The following ERCC4 variants were observed in gnomAD, a reference collection of about 807,000 sequenced individuals.
ERCC4 encodes the protein ERCC excision repair 4, endonuclease catalytic subunit.
In ERCC4, 65 loss-of-function variants were observed where a neutral mutation model predicts 76.9. The observed-to-expected ratio is 0.84, with a 90% CI of 0.69 to 1.04. The LOEUF (loss-of-function observed/expected upper bound fraction) is 1.04, where lower values mean the gene tolerates loss of function less well. Ranked by LOEUF, ERCC4 falls within the 50% of genes least tolerant of loss-of-function variation. The pLI is 0.00. For missense variants in ERCC4, 1,214 were observed against 1,128.2 expected (o/e 1.08, Z -1.09); for synonymous variants, 463 against 410.1 (o/e 1.13, Z -1.56).
chr16:13,932,337 A>T, intron 6 of ERCC4, 52 bp downstream of exon 6: 2 of 1,555,004 alleles, frequency 1.3e-6, no homozygotes, highest in Non-Finnish European at 1.8e-6. Context: ...GGTATTTGGT[A>T]TGGAAATTTA....
intron 8 of ERCC4, among the ~76,000 whole-genome samples, chr16:13,937,402 T>C (rs1264864857): frequency 3.3e-5 from 5 of 152,156 alleles, no homozygotes. Flanking sequence ...TTTTAAATGA[T>C]TGTTTGGCTG....
In ERCC4 at chr16:13,930,739, G is replaced by A. The variant is rs769764837; in HGVS notation, c.822G>A (p.Trp274Ter). The change falls in exon 5 of 11, where the codon TGG (tryptophan) becomes TGA (stop). Residue 274 changes from tryptophan (W) to a stop codon, truncating the protein, a stop_gained. Coordinates refer to ENST00000311895, the MANE Select transcript of ERCC4 (RefSeq NM_005236.3). LOFTEE classifies it high-confidence loss of function. Reference sequence around the variant, plus strand: ...TCCGCCATTATCTGGATCCTTTGTGGCACCAGCTTGGAGCCAAGACTAAAT... The same window carrying A: ...TCCGCCATTATCTGGATCCTTTGTGACACCAGCTTGGAGCCAAGACTAAAT... ...KTIRHYLDPL[W>*]HQLGAKTKSL... 2.5e-6 allele frequency: 4 copies of A among 1,613,846 alleles called. No homozygotes were observed. The South Asian group carries it at 4.4e-5, about 18-fold the overall frequency.
At chr16:13,924,512 G>A (rs1020294556) in intron 2 of ERCC4, among the ~76,000 whole-genome samples, 2 of 152,140 alleles carry the variant, frequency 1.3e-5, no homozygotes, top group Admixed American at 1.3e-4. Context: ...AACTCACTAA[G>A]GGTCCCTTGT....
In ERCC4 at chr16:13,926,621, G is replaced by T. The variant is rs377014538; in HGVS notation, c.449G>T (p.Arg150Leu). 1 of 1,614,072 alleles carries T rather than the reference G, an allele frequency of 6.2e-7. No homozygotes were observed. Among genetic ancestry groups the T allele is most frequent in the Non-Finnish European group, 8.5e-7 (1 of 1,179,994 alleles). Residue 150 changes from arginine (R) to leucine (L), a missense_variant, in exon 3 of 11, where the codon CGC (arginine) becomes CTC (leucine). Arg to Leu is a moderately radical substitution (Grantham distance 102, BLOSUM62 -2). Coordinates refer to ENST00000311895, the MANE Select transcript of ERCC4 (RefSeq NM_005236.3). ...TCTTGTCAAGAAGCATTCATCTTGC[G>T]CCTCTTTCGCCAGAAAAACAAACGT... Reference protein sequence around the residue: ...IESCQEAFILRLFRQKNKRGF... With the variant: ...IESCQEAFILLLFRQKNKRGF...
chr16:13,926,519 A>C, intron 2 of ERCC4, 42 bp from the exon 3 acceptor site: 203 of 1,533,302 alleles, frequency 1.3e-4, no homozygotes, highest in Middle Eastern at 1.7e-4. Context: ...AATGGCAATT[A>C]CCTACCTGTT....
In ERCC4 at chr16:13,951,379, G is replaced by T. The variant is rs4781562; in HGVS notation, c.*3032G>T. On this transcript the variant is annotated 3_prime_UTR_variant, in exon 11 of 11. Coordinates refer to ENST00000311895, the MANE Select transcript of ERCC4 (RefSeq NM_005236.3). Reference sequence around the variant, plus strand: ...ATTTTACAAGTTTTTTGTATAAAAAGGTGAACATATGAGATATTGTGAGAA... The same window carrying T: ...ATTTTACAAGTTTTTTGTATAAAAATGTGAACATATGAGATATTGTGAGAA... 0.27 allele frequency: 53,625 copies of T among 197,888 alleles called. 7,496 individuals are homozygous for T. Among genetic ancestry groups the T allele is most frequent in the Middle Eastern group, 0.32 (184 of 582 alleles). The allele number at this position is 197,888 out of a possible 1,614,324, so 12.3% of individuals were successfully genotyped here.
rs3136113 is a variant in ERCC4, at chr16:13,931,305, T to C, written c.973+415T>C. 3.2e-3 allele frequency: 653 copies of C among 205,104 alleles called. 2 individuals are homozygous for C. The highest frequency in any genetic ancestry group is 4.9e-3 in the Non-Finnish European group (491 of 100,142). 12.7% of individuals were successfully genotyped at this position (205,104 alleles called of 1,614,324 possible). A position where few individuals can be genotyped will look rare whatever the true frequency, so the allele number is the denominator to read the frequency against. On this transcript the variant is annotated intron_variant, in intron 5 of 10. Coordinates refer to ENST00000311895, the MANE Select transcript of ERCC4 (RefSeq NM_005236.3). The stretch of plus-strand genomic sequence containing the variant: ...GAGCAGAAGAGATTTTAGGGAAATA[T>C]ACATATACAGCTGGCCACCATCTCG...
Position 13,931,335 on chromosome 16 carries a change from G to C in ERCC4, c.973+445G>C, listed in dbSNP as rs1209810876. The stretch of plus-strand genomic sequence containing the variant: ...ATACAGCTGGCCACCATCTCGTTTG[G>C]CTACCACTGTTTTGGCCTCTGTCAC... On this transcript the variant is annotated intron_variant, in intron 5 of 10. Transcript: ENST00000311895. The C allele has an allele frequency of 2.2e-5, 4 of 178,258 alleles. 1 individual carries two copies. The East Asian group carries it at 5.7e-4, about 25-fold the overall frequency. 11.0% of individuals were successfully genotyped at this position (178,258 alleles called of 1,614,324 possible).
intron 1 of ERCC4, among the ~76,000 whole-genome samples, chr16:13,921,491 A>C (rs2031975504): frequency 6.6e-6 from 1 of 152,182 alleles, no homozygotes; most frequent in African/African-American, 2.4e-5. Flanking sequence ...TCATCTAGGT[A>C]TCCCCAGTGC....
rs2032628590 is a variant in ERCC4 at position 13,951,446 on chromosome 16, ACTTT to A, written c.*3103_*3106del. The A allele has an allele frequency of 4.9e-6, 1 of 205,482 alleles. No individual in the cohort carries two copies. The highest frequency in any genetic ancestry group is 9.9e-6 in the Non-Finnish European group (1 of 100,592). The allele number at this position is 205,482 out of a possible 1,614,324, so 12.7% of individuals were successfully genotyped here. A position where few individuals can be genotyped will look rare whatever the true frequency, so the allele number is the denominator to read the frequency against. ...TTTAAATCATGGTGCCTCTTTTGATACTTTCTTAAAATTGTGCAAGAAGAAATCA... is the reference window on the plus strand; with the variant it reads ...TTTAAATCATGGTGCCTCTTTTGATACTTAAAATTGTGCAAGAAGAAATCA... On this transcript the variant is annotated 3_prime_UTR_variant, in exon 11 of 11. Transcript: ENST00000311895.
intron 6 of ERCC4, 21 bp from the exon 7 acceptor site, chr16:13,934,171 G>A (rs2032237610): frequency 3.4e-6 from 5 of 1,475,038 alleles, no homozygotes; most frequent in Non-Finnish European, 3.8e-6. Flanking sequence ...CATAGAATGA[G>A]ATATTTTTAT....
Position 13,948,579 on chromosome 16 carries a change from A to G in ERCC4, c.*232A>G. On this transcript the variant is annotated 3_prime_UTR_variant, in exon 11 of 11. Coordinates refer to ENST00000311895, the MANE Select transcript of ERCC4 (RefSeq NM_005236.3). ...CTGCACCGTCTATGCCGGGCTTAGCATGTTTCTTTTTAAATGAGGTTTGTC... is the reference window on the plus strand; with the variant it reads ...CTGCACCGTCTATGCCGGGCTTAGCGTGTTTCTTTTTAAATGAGGTTTGTC... 1.8e-6 allele frequency: 1 copy of G among 544,674 alleles called. No homozygotes were observed. The highest frequency in any genetic ancestry group is 3.2e-5 in the East Asian group (1 of 31,558). The allele number at this position is 544,674 out of a possible 1,614,324, so 33.7% of individuals were successfully genotyped here.
intron 1 of ERCC4, among the ~76,000 whole-genome samples, chr16:13,921,107 A>G (rs2031966194): frequency 6.6e-6 from 1 of 152,138 alleles, no homozygotes; most frequent in African/African-American, 2.4e-5. Flanking sequence ...GGGAACAGTG[A>G]TGAGGATGGA....
chr16:13,933,707 TAAAA>T (rs549926995), intron 6 of ERCC4: 2 of 147,836 alleles, frequency 1.4e-5, no homozygotes, highest in Non-Finnish European at 3.0e-5. Flanking sequence ...AACTTCGTCT[TAAAA>T]AAAAAAAATC....
At chr16:13,923,270 A>G (rs1337835870) in intron 2 of ERCC4, among the ~76,000 whole-genome samples, 1 of 152,222 alleles carries the variant, frequency 6.6e-6, no homozygotes, top group Non-Finnish European at 1.5e-5. Context: ...CTCACAAGAT[A>G]AGCTGAAGCA....
At chr16:13,923,536 G>C (rs2032018191) in intron 2 of ERCC4, among the ~76,000 whole-genome samples, 1 of 152,098 alleles carries the variant, frequency 6.6e-6, no homozygotes, top group Non-Finnish European at 1.5e-5. Flanking sequence ...GAAGAAGTTT[G>C]GTTACTCTTT....
chr16:13,945,657 G>A (rs1480799535), intron 10 of ERCC4, among the ~76,000 whole-genome samples: 1 of 152,190 alleles, frequency 6.6e-6, no homozygotes, highest in African/African-American at 2.4e-5. Context: ...GTGAAATGGA[G>A]CCAGCAGCTC....
chr16:13,932,329 T>C (rs780697089), intron 6 of ERCC4, 44 bp downstream of exon 6: 2 of 1,574,588 alleles, frequency 1.3e-6, no homozygotes, highest in Admixed American at 3.4e-5. Flanking sequence ...TTTATTTCGG[T>C]ATTTGGTATG....
In ERCC4 at chr16:13,948,560, C is replaced by T. The variant is rs1318922355; in HGVS notation, c.*213C>T. 6.8e-6 allele frequency: 4 copies of T among 588,264 alleles called. No individual in the cohort carries two copies. Among genetic ancestry groups the T allele is most frequent in the South Asian group, 2.0e-5 (1 of 50,426 alleles). 36.4% of individuals were successfully genotyped at this position (588,264 alleles called of 1,614,324 possible). A position where few individuals can be genotyped will look rare whatever the true frequency, so the allele number is the denominator to read the frequency against. On this transcript the variant is annotated 3_prime_UTR_variant, in exon 11 of 11. Transcript: ENST00000311895. ...TGCCTGCTCTTTTTCCTCCCTGCAC[C>T]GTCTATGCCGGGCTTAGCATGTTTC...
Sources: allele counts gnomAD v4.1 joint callset (sites outside exome capture counted in the v4.1 genomes callset), GRCh38; gene constraint gnomAD v4.1.1; transcripts MANE v1.5; gene names NCBI Gene and HGNC (gene_info 2026-07-23, HGNC 2026-07-21).